Variants in RGS6 observed in about 807,000 individuals in gnomAD.
RGS6 encodes regulator of G-protein signaling 6.
Under a neutral mutation model 78.5 loss-of-function variants are expected in RGS6, and 30 were observed. That is an observed-to-expected ratio of 0.38 (90% CI 0.29 to 0.52). The LOEUF (loss-of-function observed/expected upper bound fraction) is 0.52, where lower values mean the gene tolerates loss of function less well. Among genes scored for constraint, RGS6 ranks in the 20% least tolerant of loss-of-function variants. The pLI, the probability that RGS6 is intolerant of heterozygous loss-of-function variation, is 0.85. For synonymous variants in RGS6, 206 were observed against 206.0 expected (o/e 1.00, Z 0.00); for missense variants, 495 against 609.7 (o/e 0.81, Z 1.98).
At chr14:72,130,157 T>G (rs1000052466) in intron 2 of RGS6, among the ~76,000 whole-genome samples, 7 of 152,206 alleles carry the variant, frequency 4.6e-5, no homozygotes, top group Non-Finnish European at 8.8e-5. Flanking sequence ...CAGTTTATTA[T>G]AAATGATACA....
chr14:72,263,099 A>T (rs1387050600), intron 2 of RGS6, among the ~76,000 whole-genome samples: 1 of 152,180 alleles, frequency 6.6e-6, no homozygotes, highest in Non-Finnish European at 1.5e-5. Context: ...TGGCATTCCC[A>T]ACAGCTGGGA....
At chr14:72,182,922 G>C (rs1405151820) in intron 2 of RGS6, among the ~76,000 whole-genome samples, 1 of 152,136 alleles carries the variant, frequency 6.6e-6, no homozygotes, top group Non-Finnish European at 1.5e-5. Flanking sequence ...TGTTGTTCAG[G>C]TTATATGTGA....
chr14:72,145,923 A>G (rs1268094569), intron 2 of RGS6, among the ~76,000 whole-genome samples: 1 of 152,266 alleles, frequency 6.6e-6, no homozygotes, highest in African/African-American at 2.4e-5. Flanking sequence ...TAAAGGATTA[A>G]GAACAATTAA....
At chr14:72,320,439 G>C (rs570762406) in intron 2 of RGS6, among the ~76,000 whole-genome samples, 2 of 151,926 alleles carry the variant, frequency 1.3e-5, no homozygotes, top group Non-Finnish European at 2.9e-5. Context: ...TTAGCTGGGC[G>C]TGGTGGCGGG....
At chr14:72,370,029 A>G (rs747741051) in intron 3 of RGS6, among the ~76,000 whole-genome samples, 7 of 152,180 alleles carry the variant, frequency 4.6e-5, no homozygotes, top group Non-Finnish European at 8.8e-5. Context: ...AAGCAAAGCC[A>G]TGAATTCATA....
chr14:72,124,993 G>T (rs2096152320), intron 2 of RGS6, among the ~76,000 whole-genome samples: 1 of 152,194 alleles, frequency 6.6e-6, no homozygotes, highest in African/African-American at 2.4e-5. Context: ...ATTTTCCAAA[G>T]ATTTTCCATT....
intron 12 of RGS6, among the ~76,000 whole-genome samples, chr14:72,494,486 A>G (rs1566978212): frequency 6.6e-6 from 1 of 152,176 alleles, no homozygotes; most frequent in Non-Finnish European, 1.5e-5. Context: ...GGAGGAAAAA[A>G]TAATTGCTTT....
At chr14:72,616,710 G>A in the RGS6 span, among the ~76,000 whole-genome samples, 3 of 152,122 alleles carry the variant, frequency 2.0e-5, no homozygotes. Flanking sequence ...CTACTCCATG[G>A]CAGAGGCAAC....
At chr14:72,334,751 T>G (rs1475707099) in intron 2 of RGS6, among the ~76,000 whole-genome samples, 3 of 151,972 alleles carry the variant, frequency 2.0e-5, no homozygotes, top group Admixed American at 6.6e-5. Context: ...CAGATGAGAC[T>G]CTCCCCCTAC....
intron 2 of RGS6, among the ~76,000 whole-genome samples, chr14:72,094,851 T>C (rs911931167): frequency 5.9e-5 from 9 of 152,288 alleles, no homozygotes; most frequent in South Asian, 2.1e-4. Flanking sequence ...AGCACAACAG[T>C]TGTTTCTGCC....
At chr14:72,245,574 C>A (rs896994750) in intron 2 of RGS6, among the ~76,000 whole-genome samples, 1 of 152,234 alleles carries the variant, frequency 6.6e-6, no homozygotes, top group Non-Finnish European at 1.5e-5. Context: ...CCTCCCTGGG[C>A]GGGCCAGGTG....
chr14:72,554,445 C>T (rs1276644937), intron 17 of RGS6, among the ~76,000 whole-genome samples: 7 of 152,108 alleles, frequency 4.6e-5, no homozygotes, highest in Non-Finnish European at 8.8e-5. Context: ...ACTTGAATTT[C>T]CTAGTTGGAA....
Position 72,007,175 on chromosome 14 carries a change from A to T in RGS6, c.84+42300A>T, listed in dbSNP as rs116323103. Reference sequence around the variant, plus strand: ...TGATTTTTTTTTTTTCCTGTTGCTTAGAGTAAAACTGCAAGAAGAGAGGAG... The same window carrying T: ...TGATTTTTTTTTTTTCCTGTTGCTTTGAGTAAAACTGCAAGAAGAGAGGAG... On this transcript the variant is annotated intron_variant, in intron 2 of 17. Coordinates refer to ENST00000553525, the MANE Select transcript of RGS6 (RefSeq NM_001204424.2). Among the ~76,000 whole-genome samples, 737 of 150,206 alleles carry T rather than the reference A, an allele frequency of 4.9e-3. 8 individuals carry two copies. The highest frequency in any genetic ancestry group is 0.017 in the African/African-American group (701 of 40,972).
At chr14:72,174,823 G>C (rs1228041751) in intron 2 of RGS6, among the ~76,000 whole-genome samples, 1 of 152,186 alleles carries the variant, frequency 6.6e-6, no homozygotes, top group Admixed American at 6.5e-5. Context: ...GATGTCAGGA[G>C]GTGGCAGTTT....
chr14:72,471,675 G>C (rs1350422895), intron 8 of RGS6, among the ~76,000 whole-genome samples: 1 of 152,194 alleles, frequency 6.6e-6, no homozygotes, highest in Non-Finnish European at 1.5e-5. Flanking sequence ...TCCCCCCACA[G>C]TCTCTGCCTT....
chr14:72,570,634 A>G (rs2097719193), downstream of RGS6, among the ~76,000 whole-genome samples: 1 of 152,190 alleles, frequency 6.6e-6, no homozygotes. Flanking sequence ...ATAGATTAGC[A>G]CAGATTTAGA....
At chr14:72,231,114 C>T (rs1004664778) in intron 2 of RGS6, among the ~76,000 whole-genome samples, 1 of 152,084 alleles carries the variant, frequency 6.6e-6, no homozygotes, top group Non-Finnish European at 1.5e-5. Flanking sequence ...GAGATCTTGA[C>T]GTTGCTGTCG....
chr14:72,345,284 A>G (rs2681730), intron 2 of RGS6, among the ~76,000 whole-genome samples: 68,930 of 152,014 alleles, frequency 0.45, 15,937 homozygotes, highest in South Asian at 0.58. Context: ...TCAGCACCAC[A>G]CACATATGGA....
chr14:71,933,721 T>C (rs540285256), intron 1 of RGS6, among the ~76,000 whole-genome samples: 3 of 152,310 alleles, frequency 2.0e-5, no homozygotes, highest in South Asian at 2.1e-4. Flanking sequence ...ACTGAAGATA[T>C]TTGGGGTCTC....
Sources: allele counts gnomAD v4.1 joint callset (sites outside exome capture counted in the v4.1 genomes callset), GRCh38; gene constraint gnomAD v4.1.1; transcripts MANE v1.5; gene names NCBI Gene and HGNC (gene_info 2026-07-23, HGNC 2026-07-21).